Variants in ATP13A5 observed in about 807,000 individuals in gnomAD.
ATP13A5 encodes the protein probable cation-transporting ATPase 13A5.
Under a neutral mutation model 150.2 loss-of-function variants are expected in ATP13A5, and 149 were observed. The observed-to-expected ratio is 0.99, with a 90% CI of 0.87 to 1.14. The LOEUF (loss-of-function observed/expected upper bound fraction) is 1.14. Ranked by LOEUF, ATP13A5 falls within the 50% of genes most tolerant of loss-of-function variation. ATP13A5 has a pLI of 0.00. For synonymous variants in ATP13A5, 497 were observed against 522.2 expected (o/e 0.95, Z 0.66); for missense variants, 1,383 against 1,449.3 (o/e 0.95, Z 0.74).
Position 193,378,606 on chromosome 3 carries a change from C to T in ATP13A5, c.63+57G>A, listed in dbSNP as rs184162852. ...CTCTATTTTCTAATTCAGCTGTAGC[C>T]CATACTCACCGCCTTGGGCTCTTTG... On this transcript the variant is annotated intron_variant, in intron 1 of 29. Coordinates refer to ENST00000342358, the MANE Select transcript of ATP13A5 (RefSeq NM_198505.4). The T allele has an allele frequency of 5.6e-6, 8 of 1,424,600 alleles. No homozygotes were observed. The African/African-American group carries it at 7.0e-5, about 13-fold the overall frequency. The allele number at this position is 1,424,600 out of a possible 1,614,324, so 88.2% of individuals were successfully genotyped here.
chr3:193,314,859 G>T, intron 18 of ATP13A5, 113 bp downstream of exon 18: 5 of 1,383,868 alleles, frequency 3.6e-6, no homozygotes, highest in Non-Finnish European at 4.0e-6. Context: ...TAACAAATTC[G>T]ACAACAGAAC....
Position 193,274,849 on chromosome 3 carries a change from C to G in ATP13A5, c.*193G>C, listed in dbSNP as rs185269934. 1.4e-6 allele frequency: 1 copy of G among 691,946 alleles called. No homozygotes were observed. The highest frequency in any genetic ancestry group is 2.4e-6 in the Non-Finnish European group (1 of 416,440). The allele number at this position is 691,946 out of a possible 1,614,324, so 42.9% of individuals were successfully genotyped here. On this transcript the variant is annotated 3_prime_UTR_variant, in exon 30 of 30. Transcript: ENST00000342358. Reference sequence around the variant, plus strand: ...TGATACAGGAAATGCATTTTTTTCTCTCATTGGTAAAGCATACAGTCAGAA... The same window carrying G: ...TGATACAGGAAATGCATTTTTTTCTGTCATTGGTAAAGCATACAGTCAGAA...
intron 12 of ATP13A5, among the ~76,000 whole-genome samples, chr3:193,329,118 G>A (rs1208146107): frequency 2.0e-5 from 3 of 152,030 alleles, no homozygotes; most frequent in African/African-American, 4.8e-5. Flanking sequence ...GGTGGTGCAC[G>A]CCTGTAATCC....
chr3:193,283,533 A>G (rs1022528102), intron 27 of ATP13A5, among the ~76,000 whole-genome samples: 2 of 152,176 alleles, frequency 1.3e-5, no homozygotes, highest in African/African-American at 2.4e-5. Flanking sequence ...CTAAAACCAA[A>G]TAAGACACTG....
chr3:193,347,127 G>T (rs747884524), intron 7 of ATP13A5, among the ~76,000 whole-genome samples: 1 of 152,122 alleles, frequency 6.6e-6, no homozygotes, highest in African/African-American at 2.4e-5. Context: ...GATTTATTTT[G>T]CATGTCAGAG....
chr3:193,365,213 G>A (rs1180895544), intron 1 of ATP13A5, among the ~76,000 whole-genome samples: 1 of 151,996 alleles, frequency 6.6e-6, no homozygotes, highest in Admixed American at 6.6e-5. Context: ...GAATTTTCAG[G>A]TCCAGATCAC....
chr3:193,338,182 G>A (rs532197430), intron 9 of ATP13A5, among the ~76,000 whole-genome samples: 2 of 152,200 alleles, frequency 1.3e-5, no homozygotes, highest in Admixed American at 1.3e-4. Flanking sequence ...CTGCAAAAAG[G>A]GACAATTTTA....
intron 5 of ATP13A5, among the ~76,000 whole-genome samples, chr3:193,354,817 C>G (rs527280310): frequency 6.6e-6 from 1 of 151,822 alleles, no homozygotes; most frequent in African/African-American, 2.4e-5. Flanking sequence ...TACAAAGATT[C>G]ATTTGATCCT....
At chr3:193,340,475 T>G (rs78669611) in intron 9 of ATP13A5, among the ~76,000 whole-genome samples, 1 of 152,190 alleles carries the variant, frequency 6.6e-6, no homozygotes, top group Non-Finnish European at 1.5e-5. Context: ...ACCTATCAAC[T>G]GATGATAAGC....
chr3:193,341,377 C>T (rs571251684), intron 9 of ATP13A5, among the ~76,000 whole-genome samples: 8 of 152,236 alleles, frequency 5.3e-5, no homozygotes, highest in African/African-American at 1.9e-4. Flanking sequence ...TTCTGCTCAC[C>T]ATGCCTTTCC....
chr3:193,344,264 C>G (rs932204562), intron 8 of ATP13A5, among the ~76,000 whole-genome samples: 8 of 152,192 alleles, frequency 5.3e-5, no homozygotes, highest in African/African-American at 1.2e-4. Context: ...AGCTAAGCAA[C>G]AGGATCCCAT....
chr3:193,321,621 A>G, intron 16 of ATP13A5, 60 bp downstream of exon 16: 1 of 1,570,922 alleles, frequency 6.4e-7, no homozygotes, highest in Admixed American at 1.7e-5. Flanking sequence ...ACAGAGCAAG[A>G]TTCTGTCTCA....
rs749390686 is a variant in ATP13A5, at chr3:193,326,991, C to T, written c.1523+5G>A. The T allele has an allele frequency of 1.2e-5, 20 of 1,613,522 alleles. No homozygotes were observed. The South Asian group carries it at 1.4e-4, about 12-fold the overall frequency. On this transcript the variant is annotated splice_donor_5th_base_variant and intron_variant, in intron 13 of 29. Transcript: ENST00000342358. ...ACACCTTCCATTTTCACATAAGAGG[C>T]CTACCAGTTGTCAGCAGTAGGGACA...
chr3:193,368,391 CTTGT>C (rs1713323645), intron 1 of ATP13A5, among the ~76,000 whole-genome samples: 1 of 38,142 alleles, frequency 2.6e-5, no homozygotes, highest in East Asian at 7.1e-4. Flanking sequence ...TCTCTTCAGA[CTTGT>C]GTGTGTGTGT....
intron 1 of ATP13A5, among the ~76,000 whole-genome samples, chr3:193,369,082 AT>A (rs575229291): frequency 1.5e-3 from 226 of 149,648 alleles, no homozygotes; most frequent in African/African-American, 4.9e-3. Flanking sequence ...TGTCTCTACA[AT>A]TTTTTTTTTA....
chr3:193,333,932 A>G, intron 10 of ATP13A5, 25 bp from the exon 11 acceptor site: 1 of 1,597,906 alleles, frequency 6.3e-7, no homozygotes, highest in African/African-American at 1.3e-5. Flanking sequence ...TCATAGATCA[A>G]GTAAGGCTGC....
At chr3:193,301,382 G>A (rs953353126) in intron 23 of ATP13A5, 75 bp from the exon 24 acceptor site, 41 of 1,119,082 alleles carry the variant, frequency 3.7e-5, no homozygotes, top group East Asian at 4.8e-5. Flanking sequence ...TACTTAAAAC[G>A]AGTTATATTT....
At chr3:193,290,875 G>A (rs1266289353) in intron 25 of ATP13A5, among the ~76,000 whole-genome samples, 2 of 152,138 alleles carry the variant, frequency 1.3e-5, no homozygotes, top group African/African-American at 2.4e-5. Flanking sequence ...GAAGCATGAG[G>A]AGGACAGGAA....
intron 18 of ATP13A5, 147 bp downstream of exon 18, chr3:193,314,825 G>A: frequency 2.0e-6 from 2 of 994,594 alleles, no homozygotes; most frequent in Non-Finnish European, 2.9e-6. Flanking sequence ...AGCTGCACAT[G>A]TTTTTAGGTA....
Sources: allele counts gnomAD v4.1 joint callset (sites outside exome capture counted in the v4.1 genomes callset), GRCh38; gene constraint gnomAD v4.1.1; transcripts MANE v1.5; gene names NCBI Gene and HGNC (gene_info 2026-07-23, HGNC 2026-07-21).